LSAMP: variants seen among roughly 807,000 people sequenced by gnomAD.
LSAMP encodes the protein limbic system-associated membrane protein.
LSAMP carries 7 observed loss-of-function variants against 38.6 expected under a neutral mutation model. The observed-to-expected ratio is 0.18, with a 90% CI of 0.10 to 0.34. LSAMP has a LOEUF of 0.34. Ranked by LOEUF, LSAMP falls within the 10% of genes least tolerant of loss-of-function variation. The pLI, the probability that LSAMP is intolerant of heterozygous loss-of-function variation, is 1.00. For missense variants in LSAMP, 313 were observed against 420.0 expected (o/e 0.75, Z 2.23); for synonymous variants, 154 against 166.8 (o/e 0.92, Z 0.59).
chr3:116,254,430 G>A (rs1245175453), intron 1 of LSAMP, among the ~76,000 whole-genome samples: 1 of 152,052 alleles, frequency 6.6e-6, no homozygotes, highest in Admixed American at 6.6e-5. Flanking sequence ...GGTGATAGAG[G>A]GAGAAAGAGA....
At chr3:116,157,748 G>T (rs1709788213) in intron 1 of LSAMP, among the ~76,000 whole-genome samples, 1 of 151,916 alleles carries the variant, frequency 6.6e-6, no homozygotes, top group African/African-American at 2.4e-5. Context: ...TGGATCCGAT[G>T]GATTCACAGC....
intron 2 of LSAMP, among the ~76,000 whole-genome samples, chr3:116,041,402 G>A (rs1475533754): frequency 2.0e-5 from 3 of 152,004 alleles, no homozygotes; most frequent in Non-Finnish European, 4.4e-5. Context: ...AAACACATAT[G>A]ATCTCAAAAT....
chr3:116,437,847 ACT>A (rs2049376146), intron 1 of LSAMP, among the ~76,000 whole-genome samples: 2 of 152,164 alleles, frequency 1.3e-5, no homozygotes, highest in Admixed American at 1.3e-4. Context: ...TCAATTGATC[ACT>A]CAAGTTTTTG....
chr3:115,969,074 C>T (rs893758510), intron 3 of LSAMP, among the ~76,000 whole-genome samples: 2 of 152,282 alleles, frequency 1.3e-5, no homozygotes, highest in Admixed American at 6.5e-5. Flanking sequence ...GGGGTTGTGT[C>T]GCAAGTCAAG....
chr3:116,216,559 A>AG (rs936386674), intron 1 of LSAMP, among the ~76,000 whole-genome samples: 31 of 135,120 alleles, frequency 2.3e-4, no homozygotes, highest in African/African-American at 8.7e-4. Context: ...GCAAAGAATG[A>AG]GAAAAAAAAA....
chr3:115,883,387 G>A (rs566567016), intron 3 of LSAMP, among the ~76,000 whole-genome samples: 39 of 152,170 alleles, frequency 2.6e-4, no homozygotes, highest in African/African-American at 9.1e-4. Context: ...ACACAGAGGA[G>A]CCTTAGTAGA....
intron 1 of LSAMP, among the ~76,000 whole-genome samples, chr3:116,155,162 A>G (rs1709715566): frequency 6.6e-6 from 1 of 152,066 alleles, no homozygotes; most frequent in South Asian, 2.1e-4. Context: ...CTATTTGATT[A>G]ATGTCTGTTC....
intron 1 of LSAMP, among the ~76,000 whole-genome samples, chr3:116,405,064 C>T (rs1378642604): frequency 6.6e-6 from 1 of 152,050 alleles, no homozygotes; most frequent in East Asian, 1.9e-4. Flanking sequence ...TCATATTGGG[C>T]TATCTGTAAG....
At chr3:116,397,513 G>A (rs910612970) in intron 1 of LSAMP, among the ~76,000 whole-genome samples, 7 of 150,240 alleles carry the variant, frequency 4.7e-5, no homozygotes, top group African/African-American at 1.5e-4. Context: ...TTATATTATT[G>A]TCTATCTCCC....
intron 1 of LSAMP, among the ~76,000 whole-genome samples, chr3:116,442,840 C>CT (rs2049456003): frequency 6.6e-6 from 1 of 152,192 alleles, no homozygotes; most frequent in Non-Finnish European, 1.5e-5. Flanking sequence ...GTTTAAAACT[C>CT]TGTTTCTATT....
chr3:116,358,136 C>T (rs946684504), intron 1 of LSAMP, among the ~76,000 whole-genome samples: 1 of 152,122 alleles, frequency 6.6e-6, no homozygotes, highest in African/African-American at 2.4e-5. Context: ...ATAGAGAATG[C>T]TTCATGGTTG....
chr3:116,165,879 G>T (rs2107545910), intron 1 of LSAMP, among the ~76,000 whole-genome samples: 1 of 152,218 alleles, frequency 6.6e-6, no homozygotes, highest in East Asian at 1.9e-4. Context: ...AGAGTTCTCA[G>T]TTCCCTTCCC....
At position 116,011,184 on chromosome 3, in the gene LSAMP, G is replaced by A. The variant is rs917823094; in HGVS notation, c.514+8331C>T. 3.9e-5 allele frequency among the ~76,000 whole-genome samples: 6 copies of A among 152,146 alleles called. No homozygotes were observed. The East Asian group carries it at 1.2e-3, about 30-fold the overall frequency. ...ACACCCAGCTAATTTTTTGATTACA[G>A]GTGTGAGCCACTGCACCCGGCCAGT... On this transcript the variant is annotated intron_variant, in intron 3 of 6. Transcript: ENST00000490035.
chr3:116,377,601 T>C (rs982694821), intron 1 of LSAMP, among the ~76,000 whole-genome samples: 4 of 152,022 alleles, frequency 2.6e-5, no homozygotes, highest in South Asian at 2.1e-4. Flanking sequence ...TACCTAGTAA[T>C]TGGATTGCTG....
intron 1 of LSAMP, among the ~76,000 whole-genome samples, chr3:116,334,678 TA>T (rs1467046137): frequency 6.6e-6 from 1 of 152,062 alleles, no homozygotes; most frequent in African/African-American, 2.4e-5. Context: ...GTAAAGATGA[TA>T]GTTTACAAAA....
intron 3 of LSAMP, among the ~76,000 whole-genome samples, chr3:115,899,458 A>AT (rs1576198506): frequency 6.6e-6 from 1 of 152,188 alleles, no homozygotes; most frequent in African/African-American, 2.4e-5. Flanking sequence ...TCCTTGGTGA[A>AT]TAAGAGAAAG....
intron 2 of LSAMP, among the ~76,000 whole-genome samples, chr3:116,054,196 T>C (rs1266173487): frequency 6.6e-6 from 1 of 152,164 alleles, no homozygotes; most frequent in East Asian, 1.9e-4. Flanking sequence ...ATCAATAATC[T>C]CTTTTTGATT....
At chr3:116,226,867 T>TC (rs1259578628) in intron 1 of LSAMP, among the ~76,000 whole-genome samples, 2 of 152,182 alleles carry the variant, frequency 1.3e-5, no homozygotes, top group Non-Finnish European at 2.9e-5. Flanking sequence ...CCCAAGCTCC[T>TC]CACACGCCAC....
intron 1 of LSAMP, among the ~76,000 whole-genome samples, chr3:116,113,420 A>ATATATATATATATTTTTTTTTTTT (rs1553705042): frequency 2.0e-5 from 1 of 51,044 alleles, no homozygotes; most frequent in African/African-American, 9.6e-5. Context: ...ATATATATAT[A>ATATATATATATATTTTTTTTTTTT]TTTTTTTTTT....
Sources: allele counts gnomAD v4.1 joint callset (sites outside exome capture counted in the v4.1 genomes callset), GRCh38; gene constraint gnomAD v4.1.1; transcripts MANE v1.5; gene names NCBI Gene and HGNC (gene_info 2026-07-23, HGNC 2026-07-21).